OR1J2: variants seen among roughly 807,000 people sequenced by gnomAD.
OR1J2 encodes olfactory receptor 1J2.
For synonymous variants in OR1J2, 142 were observed against 99.7 expected (o/e 1.42, Z -2.52); for missense variants, 304 against 246.1 (o/e 1.24, Z -1.57).
the OR1J2 span, among the ~76,000 whole-genome samples, chr9:122,535,252 G>A: frequency 6.6e-6 from 1 of 152,114 alleles, no homozygotes; most frequent in Non-Finnish European, 1.5e-5. Context: ...GCAGAGATAA[G>A]AGGTTGGGGT....
At chr9:122,520,118 C>T in the OR1J2 span, 1 of 1,440,930 alleles carries the variant, frequency 6.9e-7, no homozygotes, top group Non-Finnish European at 9.6e-7. Flanking sequence ...TATGTACTGA[C>T]CTATTTCCAG....
chr9:122,483,744 G>A, the OR1J2 span, among the ~76,000 whole-genome samples: 29 of 152,300 alleles, frequency 1.9e-4, no homozygotes, highest in East Asian at 4.8e-3. Context: ...GTCGATGTTT[G>A]TTAAATCTGA....
the OR1J2 span, among the ~76,000 whole-genome samples, chr9:122,484,552 A>G: frequency 6.6e-6 from 1 of 152,074 alleles, no homozygotes; most frequent in East Asian, 1.9e-4. Flanking sequence ...TAAAGAACAA[A>G]TCTCCTCTTA....
the OR1J2 span, among the ~76,000 whole-genome samples, chr9:122,579,638 T>C: frequency 6.6e-6 from 1 of 152,234 alleles, no homozygotes; most frequent in African/African-American, 2.4e-5. Flanking sequence ...ATGTTTACAT[T>C]TGAGACTGAA....
the OR1J2 span, among the ~76,000 whole-genome samples, chr9:122,529,374 T>C: frequency 3.9e-5 from 6 of 152,358 alleles, no homozygotes; most frequent in Admixed American, 2.0e-4. Context: ...ATTGAGGTTT[T>C]CAAAGGGACA....
At chr9:122,450,560 A>G in the OR1J2 span, among the ~76,000 whole-genome samples, 9 of 152,264 alleles carry the variant, frequency 5.9e-5, no homozygotes, top group South Asian at 6.2e-4. Flanking sequence ...GCTAATTATC[A>G]TATAATCACC....
chr9:122,451,156 A>ATTG, the OR1J2 span, among the ~76,000 whole-genome samples: 1 of 74,254 alleles, frequency 1.3e-5, no homozygotes, highest in African/African-American at 7.8e-5. Context: ...CACCTGCATT[A>ATTG]TTATTATTAT....
chr9:122,481,176 A>G, the OR1J2 span, among the ~76,000 whole-genome samples: 2,574 of 152,178 alleles, frequency 0.017, 75 homozygotes, highest in African/African-American at 0.059. Context: ...CCCACTTACA[A>G]GTGAGAACAT....
the OR1J2 span, among the ~76,000 whole-genome samples, chr9:122,518,609 A>C: frequency 6.6e-6 from 1 of 152,216 alleles, no homozygotes. Flanking sequence ...TGGCAGTGAT[A>C]TTGTAATCAA....
At chr9:122,531,918 A>C in the OR1J2 span, among the ~76,000 whole-genome samples, 1 of 152,188 alleles carries the variant, frequency 6.6e-6, no homozygotes, top group Non-Finnish European at 1.5e-5. Flanking sequence ...ACCTAGACCA[A>C]GAGGTATTTT....
the OR1J2 span, chr9:122,568,421 G>A: frequency 6.2e-7 from 1 of 1,613,210 alleles, no homozygotes; most frequent in Non-Finnish European, 8.5e-7. Flanking sequence ...CAGGCCGGGA[G>A]GAGAGTCCCA....
the OR1J2 span, among the ~76,000 whole-genome samples, chr9:122,493,984 A>C: frequency 6.6e-6 from 1 of 152,158 alleles, no homozygotes; most frequent in East Asian, 1.9e-4. Context: ...ATATATTTGC[A>C]TGATTTTAAG....
At chr9:122,526,765 A>C in the OR1J2 span, 6 of 1,614,140 alleles carry the variant, frequency 3.7e-6, no homozygotes, top group Non-Finnish European at 5.1e-6. Flanking sequence ...GTGATGTCAC[A>C]GAAAAAGTGA....
At chr9:122,483,975 A>AGTT in the OR1J2 span, among the ~76,000 whole-genome samples, 4 of 152,120 alleles carry the variant, frequency 2.6e-5, no homozygotes, top group Admixed American at 6.5e-5. Context: ...TTATAATAAG[A>AGTT]GTTATTAGTT....
the OR1J2 span, among the ~76,000 whole-genome samples, chr9:122,483,158 G>A: frequency 3.9e-5 from 6 of 151,988 alleles, no homozygotes; most frequent in African/African-American, 1.2e-4. Flanking sequence ...AAGGTTCATC[G>A]ATTTAAATCG....
the OR1J2 span, among the ~76,000 whole-genome samples, chr9:122,570,683 A>C: frequency 2.0e-5 from 3 of 152,210 alleles, no homozygotes; most frequent in Non-Finnish European, 4.4e-5. Context: ...CATGTTCTCA[A>C]AACTAATTAT....
chr9:122,571,793 C>T, the OR1J2 span, among the ~76,000 whole-genome samples: 1 of 151,794 alleles, frequency 6.6e-6, no homozygotes, highest in Non-Finnish European at 1.5e-5. Context: ...TGGACAGTGC[C>T]TTGGACTTGA....
At chr9:122,457,104 C>T in the OR1J2 span, among the ~76,000 whole-genome samples, 4 of 152,254 alleles carry the variant, frequency 2.6e-5, no homozygotes, top group East Asian at 7.7e-4. Context: ...CAATCTTCAG[C>T]AAACTAACAC....
the OR1J2 span, among the ~76,000 whole-genome samples, chr9:122,556,758 CCT>C: frequency 6.6e-6 from 1 of 152,132 alleles, no homozygotes; most frequent in Non-Finnish European, 1.5e-5. Flanking sequence ...GAGTCTTTTG[CCT>C]CTCTGCATTT....
Sources: gnomAD v4.1 joint callset for allele counts (sites outside exome capture counted in the v4.1 genomes callset) on GRCh38, gnomAD v4.1.1 for gene constraint, MANE v1.5 for transcripts, NCBI Gene and HGNC (gene_info 2026-07-23, HGNC 2026-07-21) for gene names.